The following MAP7D1 variants were observed in gnomAD, a reference collection of about 807,000 sequenced individuals.
MAP7D1 encodes the protein MAP7 domain-containing protein 1.
In MAP7D1, 30 loss-of-function variants were observed where a neutral mutation model predicts 97.5. The observed-to-expected ratio is 0.31, with a 90% CI of 0.23 to 0.42. The LOEUF is 0.42. Ranked by LOEUF, MAP7D1 falls within the 10% of genes least tolerant of loss-of-function variation. The pLI is 1.00. For synonymous variants in MAP7D1, 536 were observed against 477.1 expected (o/e 1.12, Z -1.61); for missense variants, 1,184 against 1,179.5 (o/e 1.00, Z -0.06).
chr1:36,174,615 A>T (rs1031824385), intron 5 of MAP7D1, among the ~76,000 whole-genome samples: 2 of 152,052 alleles, frequency 1.3e-5, no homozygotes, highest in African/African-American at 4.8e-5. Context: ...AGCCGTAAGG[A>T]ATGGCTTCCT....
chr1:36,173,377 C>G lies in MAP7D1; in HGVS notation c.638C>G (p.Ala213Gly). ...KLEKNKERYEAAIQRSVKKTW... is the reference protein window; with the variant it reads ...KLEKNKERYEGAIQRSVKKTW... ...ACCTTCCCCCAGGAGCGCTATGAAG[C>G]AGCCATCCAACGGTCAGTGAAGAAG... The change falls in exon 5 of 17, where the codon GCA (alanine) becomes GGA (glycine). Residue 213 changes from alanine to glycine, a missense_variant. Physicochemically the swap from Ala to Gly is moderately conservative, Grantham distance 60. Coordinates refer to ENST00000474796, the MANE Select transcript of MAP7D1 (RefSeq NM_001388490.1). 6.2e-7 allele frequency: 1 copy of G among 1,613,582 alleles called. No individual in the cohort carries two copies. The highest frequency in any genetic ancestry group is 8.5e-7 in the Non-Finnish European group (1 of 1,179,696).
chr1:36,167,159 A>G (rs1644483899), intron 1 of MAP7D1, among the ~76,000 whole-genome samples: 1 of 152,186 alleles, frequency 6.6e-6, no homozygotes, highest in Non-Finnish European at 1.5e-5. Flanking sequence ...GCGTGTGGAT[A>G]GAAAATAAAT....
intron 1 of MAP7D1, among the ~76,000 whole-genome samples, chr1:36,169,714 T>C (rs1364146711): frequency 1.3e-5 from 2 of 152,174 alleles, no homozygotes; most frequent in Non-Finnish European, 2.9e-5. Flanking sequence ...AAGCTTCTGT[T>C]TGGGAGACCA....
chr1:36,164,815 C>T (rs1245907267), intron 1 of MAP7D1, among the ~76,000 whole-genome samples: 1 of 152,160 alleles, frequency 6.6e-6, no homozygotes, highest in Non-Finnish European at 1.5e-5. Context: ...TGGGTACAGG[C>T]GAGCAGTGAG....
chr1:36,163,922 G>A (rs1422061831), intron 1 of MAP7D1, among the ~76,000 whole-genome samples: 1 of 148,840 alleles, frequency 6.7e-6, no homozygotes, highest in Non-Finnish European at 1.5e-5. Flanking sequence ...CCACCTCTGG[G>A]TTCAAGGGAT....
At chr1:36,161,349 C>T (rs966254872) in intron 1 of MAP7D1, among the ~76,000 whole-genome samples, 1 of 152,170 alleles carries the variant, frequency 6.6e-6, no homozygotes, top group Non-Finnish European at 1.5e-5. Flanking sequence ...TTCTACTGAC[C>T]TCCTATTCTC....
Position 36,176,471 on chromosome 1 carries a change from G to A in MAP7D1, c.1123G>A (p.Val375Ile), listed in dbSNP as rs769778260. ...ASASPLTPCS[V>I]TRSVHRCAPA... ...CGCCAGCCCCCTGACGCCGTGCAGC[G>A]TCACCCGAAGCGTGCACCGCTGCGC... The change falls in exon 7 of 17, where the codon GTC (valine) becomes ATC (isoleucine). Residue 375 changes from valine (V) to isoleucine (I), a missense_variant. By Grantham distance (29) the Val-to-Ile change is conservative (BLOSUM62 3). Transcript: ENST00000474796. The surrounding 1 kb of genome is among the most constrained non-coding windows in gnomAD (Gnocchi z 6.1). 1.4e-6 allele frequency: 2 copies of A among 1,472,500 alleles called. No homozygotes were observed. The highest frequency in any genetic ancestry group is 3.0e-5 in the East Asian group (1 of 33,842). 91.2% of individuals were successfully genotyped at this position (1,472,500 alleles called of 1,614,324 possible). A position where few individuals can be genotyped will look rare whatever the true frequency, so the allele number is the denominator to read the frequency against.
chr1:36,179,187 G>A, intron 12 of MAP7D1, 75 bp from the exon 13 acceptor site: 1 of 1,567,330 alleles, frequency 6.4e-7, no homozygotes. Context: ...AAGACTCCGA[G>A]GCCGGGTCTG....
Position 36,178,749 on chromosome 1 carries a change from C to T in MAP7D1, c.1951C>T (p.Arg651Trp). The change falls in exon 11 of 17, where the codon CGG (arginine) becomes TGG (tryptophan). Residue 651 changes from arginine (R) to tryptophan (W), a missense_variant. Coordinates refer to ENST00000474796, the MANE Select transcript of MAP7D1 (RefSeq NM_001388490.1). Reference sequence around the variant, plus strand: ...CCGGGCGGAGCGGGAGGCGGAGGCCCGGAGGCGGGAGGAGCAGGAGGCACG... The same window carrying T: ...CCGGGCGGAGCGGGAGGCGGAGGCCTGGAGGCGGGAGGAGCAGGAGGCACG... Reference protein sequence around the residue: ...EARAEREAEARRREEQEAREK... With the variant: ...EARAEREAEAWRREEQEAREK... 6.5e-7 allele frequency: 1 copy of T among 1,544,838 alleles called. No homozygotes were observed. Among genetic ancestry groups the T allele is most frequent in the Non-Finnish European group, 8.7e-7 (1 of 1,145,068 alleles).
At position 36,159,624 on chromosome 1, in the gene MAP7D1, T is replaced by C. The variant is rs1473810227; in HGVS notation, c.46+3161T>C. ...CCTTATGCCAGCTCGGTGTAGTCTA[T>C]GTGGACGGCAGAGAAGTGAATCAGA... On this transcript the variant is annotated intron_variant, in intron 1 of 16. Transcript: ENST00000474796. This position sits in a 1 kb window ranked among gnomAD's most constrained non-coding sequence, Gnocchi z 5.4. 5.9e-5 allele frequency among the ~76,000 whole-genome samples: 9 copies of C among 152,218 alleles called. No individual in the cohort carries two copies. Among genetic ancestry groups the C allele is most frequent in the Admixed American group, 3.3e-4 (5 of 15,294 alleles).
In MAP7D1 at chr1:36,176,788, C is replaced by G. The variant is rs1355819979; in HGVS notation, c.1325C>G (p.Ser442Trp). The change falls in exon 8 of 17, where the codon TCG becomes TGG. Residue 442 changes from serine (S) to tryptophan (W), a missense_variant. Physicochemically the swap from Ser to Trp is radical, Grantham distance 177. Coordinates refer to ENST00000474796, the MANE Select transcript of MAP7D1 (RefSeq NM_001388490.1). The surrounding 1 kb of genome is among the most constrained non-coding windows in gnomAD (Gnocchi z 6.1). ...GAGCGCAGCCTCAAGAAGCGCCAGT[C>G]GCTGCCCGCCTCCCCACGTGCCCGC... The part of the protein sequence containing the change: ...ARERSLKKRQ[S>W]LPASPRARLS... 1 of 1,597,614 alleles carries G rather than the reference C, an allele frequency of 6.3e-7. No homozygotes were observed. Among genetic ancestry groups the G allele is most frequent in the African/African-American group, 1.3e-5 (1 of 74,808 alleles).
At chr1:36,165,252 T>C (rs532893527) in intron 1 of MAP7D1, among the ~76,000 whole-genome samples, 1 of 152,234 alleles carries the variant, frequency 6.6e-6, no homozygotes, top group East Asian at 1.9e-4. Flanking sequence ...GCATCCTAAC[T>C]AGCTGAGACT....
At chr1:36,174,786 C>G (rs1644594919) in intron 5 of MAP7D1, 112 bp from the exon 6 acceptor site, 2 of 506,136 alleles carry the variant, frequency 4.0e-6, no homozygotes, top group South Asian at 3.7e-5. Context: ...CCTAGCCTGC[C>G]CACTCCTCCC....
Position 36,156,457 on chromosome 1 carries a change from C to A in MAP7D1, c.40C>A (p.Pro14Thr). Residue 14 changes from proline to threonine, a missense_variant, in exon 1 of 17, where the codon CCC (proline) becomes ACC (threonine). Coordinates refer to ENST00000474796, the MANE Select transcript of MAP7D1 (RefSeq NM_001388490.1). ...GCGTGCGGAGCTGGGGGCGGGCGCACCCCCAGGTATGCCGGGAGCCACGCG... is the reference window on the plus strand; with the variant it reads ...GCGTGCGGAGCTGGGGGCGGGCGCAACCCCAGGTATGCCGGGAGCCACGCG... ...GPRAELGAGA[P>T]PAVVARTPPE... 1 of 1,466,826 alleles carries A rather than the reference C, an allele frequency of 6.8e-7. No individual in the cohort carries two copies. The allele number at this position is 1,466,826 out of a possible 1,614,324, so 90.9% of individuals were successfully genotyped here.
chr1:36,156,770 C>G (rs753067500), intron 1 of MAP7D1, among the ~76,000 whole-genome samples: 13 of 152,224 alleles, frequency 8.5e-5, no homozygotes, highest in Admixed American at 2.0e-4. Flanking sequence ...CCCGCCCCCA[C>G]GTCCCTTCCC....
Position 36,171,301 on chromosome 1 carries a change from C to G in MAP7D1, c.377C>G (p.Pro126Arg). 1 of 1,565,594 alleles carries G rather than the reference C, an allele frequency of 6.4e-7. No individual in the cohort carries two copies. The highest frequency in any genetic ancestry group is 8.7e-7 in the Non-Finnish European group (1 of 1,154,920). The change falls in exon 2 of 17, where the codon CCT becomes CGT. Residue 126 changes from proline (P) to arginine (R), a missense_variant. By Grantham distance (103) the Pro-to-Arg change is moderately radical. Coordinates refer to ENST00000474796, the MANE Select transcript of MAP7D1 (RefSeq NM_001388490.1). ...SPTAVPASDS[P>R]PTKQEVKKAG... ...ACAGCAGTGCCAGCCTCCGACAGCC[C>G]TCCCACCAAGCAAGGTGTGTGTAAT... is the stretch of plus-strand genomic sequence containing the variant.
Position 36,176,410 on chromosome 1 carries a change from C to T in MAP7D1, c.1062C>T (p.Pro354=), listed in dbSNP as rs1246819518. 1 of 1,533,802 alleles carries T rather than the reference C, an allele frequency of 6.5e-7. No individual in the cohort carries two copies. Among genetic ancestry groups the T allele is most frequent in the Non-Finnish European group, 8.7e-7 (1 of 1,148,510 alleles). ...GGCCGCAACCCGACCGCACTCATCCCTCTGCAGCCGTGCCGGTGTGCCCGC... is the reference window on the plus strand; with the variant it reads ...GGCCGCAACCCGACCGCACTCATCCTTCTGCAGCCGTGCCGGTGTGCCCGC... ...ARGPQPDRTH[P]SAAVPVCPRS... The change falls in exon 7 of 17, where the codon CCC becomes CCT. Residue 354 remains proline (P), a synonymous_variant. Transcript: ENST00000474796. This position sits in a 1 kb window ranked among gnomAD's most constrained non-coding sequence, Gnocchi z 6.1.
At chr1:36,172,997 C>G (rs1321036503) in intron 4 of MAP7D1, among the ~76,000 whole-genome samples, 1 of 152,214 alleles carries the variant, frequency 6.6e-6, no homozygotes, top group Non-Finnish European at 1.5e-5. Context: ...GGCCACCTGG[C>G]CCTACCTGGG....
At chr1:36,175,707 G>C (rs1035299871) in intron 6 of MAP7D1, among the ~76,000 whole-genome samples, 1 of 152,106 alleles carries the variant, frequency 6.6e-6, no homozygotes, top group Non-Finnish European at 1.5e-5. Context: ...GACAGAGCAG[G>C]GTGGCCTAGG....
Sources: allele counts gnomAD v4.1 joint callset (sites outside exome capture counted in the v4.1 genomes callset), GRCh38; gene constraint gnomAD v4.1.1; non-coding constraint Gnocchi (gnomAD v3.1); transcripts MANE v1.5; gene names NCBI Gene and HGNC (gene_info 2026-07-23, HGNC 2026-07-21).